The following RFTN1 variants were observed in gnomAD, a reference collection of about 807,000 sequenced individuals.
RFTN1 encodes raftlin, lipid raft linker 1, also known as raftlin.
A neutral mutation model predicts 46.5 loss-of-function variants in RFTN1; 26 were observed. The observed-to-expected ratio is 0.56, with a 90% CI of 0.41 to 0.78. The LOEUF is 0.78. Ranked by LOEUF, RFTN1 falls within the 30% of genes least tolerant of loss-of-function variation. The probability of loss-of-function intolerance (pLI) is 0.00; values close to 1 mark genes in which losing one functional copy is unlikely to be tolerated. For synonymous variants in RFTN1, 261 were observed against 284.2 expected (o/e 0.92, Z 0.82); for missense variants, 693 against 718.7 (o/e 0.96, Z 0.41).
In RFTN1 at chr3:16,479,511, C is replaced by T. The variant is rs1306793047; in HGVS notation, c.145+14214G>A. Among the ~76,000 whole-genome samples, 1 of 152,240 alleles carries T rather than the reference C, an allele frequency of 6.6e-6. No individual in the cohort carries two copies. The highest frequency in any genetic ancestry group is 1.5e-5 in the Non-Finnish European group (1 of 68,042). On this transcript the variant is annotated intron_variant, in intron 2 of 9. Coordinates refer to ENST00000334133, the MANE Select transcript of RFTN1 (RefSeq NM_015150.2). This position sits in a 1 kb window ranked among gnomAD's most constrained non-coding sequence, Gnocchi z 5.1. Reference sequence around the variant, plus strand: ...TCAACATCCTTCTCCCCATTCCTTGCACACCTTTACAGCATTATTCCAGCC... The same window carrying T: ...TCAACATCCTTCTCCCCATTCCTTGTACACCTTTACAGCATTATTCCAGCC...
At chr3:16,497,217 C>T (rs1302261582) in intron 1 of RFTN1, among the ~76,000 whole-genome samples, 5 of 152,114 alleles carry the variant, frequency 3.3e-5, no homozygotes, top group Admixed American at 2.0e-4. Flanking sequence ...TACACTAAAA[C>T]GTTCAAAAAT....
In RFTN1 at chr3:16,352,558, AATG is replaced by A. The variant is rs2072172747; in HGVS notation, c.1146+5371_1146+5373del. 1.3e-5 allele frequency among the ~76,000 whole-genome samples: 2 copies of A among 152,164 alleles called. No individual in the cohort carries two copies. The highest frequency in any genetic ancestry group is 4.8e-5 in the African/African-American group (2 of 41,424). The stretch of plus-strand genomic sequence containing the variant: ...AGGCTGTAGGTTTCCAACCGAGCAA[AATG>A]CAATTATTTGTATTTGACTCTACAG... On this transcript the variant is annotated intron_variant, in intron 7 of 9. Coordinates refer to ENST00000334133, the MANE Select transcript of RFTN1 (RefSeq NM_015150.2). This position sits in a 1 kb window ranked among gnomAD's most constrained non-coding sequence, Gnocchi z 4.6.
At chr3:16,456,613 A>AC (rs552095811) in intron 2 of RFTN1, among the ~76,000 whole-genome samples, 2 of 151,968 alleles carry the variant, frequency 1.3e-5, no homozygotes, top group African/African-American at 4.8e-5. Flanking sequence ...ATTCTTGAGG[A>AC]CCCCCCTAAG....
intron 6 of RFTN1, among the ~76,000 whole-genome samples, chr3:16,362,634 A>G (rs1166762604): frequency 1.3e-5 from 2 of 152,186 alleles, no homozygotes; most frequent in Non-Finnish European, 2.9e-5. Flanking sequence ...AACACAGCAC[A>G]CATTTCCTCA....
Position 16,480,448 on chromosome 3 carries a change from T to C in RFTN1, c.145+13277A>G, listed in dbSNP as rs953697528. Among the ~76,000 whole-genome samples, 3 of 152,214 alleles carry C rather than the reference T, an allele frequency of 2.0e-5. No individual in the cohort carries two copies. The highest frequency in any genetic ancestry group is 7.2e-5 in the African/African-American group (3 of 41,450). ...AATAGAAAAACATCTCAGTGGCTGC[T>C]AAGTGTAGCAGGTACTCCTTGCCCA... On this transcript the variant is annotated intron_variant, in intron 2 of 9. Transcript: ENST00000334133. This position sits in a 1 kb window ranked among gnomAD's most constrained non-coding sequence, Gnocchi z 4.3.
In RFTN1 at chr3:16,446,509, G is replaced by A. The variant is rs991681347; in HGVS notation, c.146-12472C>T. Among the ~76,000 whole-genome samples, 6 of 152,100 alleles carry A rather than the reference G, an allele frequency of 3.9e-5. No individual in the cohort carries two copies. Among genetic ancestry groups the A allele is most frequent in the Non-Finnish European group, 7.3e-5 (5 of 68,034 alleles). On this transcript the variant is annotated intron_variant, in intron 2 of 9. Transcript: ENST00000334133. The surrounding 1 kb of genome is among the most constrained non-coding windows in gnomAD (Gnocchi z 4.5). The stretch of plus-strand genomic sequence containing the variant: ...TATCCTTCTCTGTCTCTGCTAGTGT[G>A]AGCAGGAGTTACAAAAGCAACAGGA...
At chr3:16,431,900 C>T (rs1376392613) in intron 3 of RFTN1, among the ~76,000 whole-genome samples, 1 of 152,160 alleles carries the variant, frequency 6.6e-6, no homozygotes, top group Non-Finnish European at 1.5e-5. Flanking sequence ...TGCTTCATGC[C>T]AGGATTAAGA....
chr3:16,385,735 G>A lies in RFTN1; in HGVS notation c.442-7633C>T, dbSNP rs907675281. Among the ~76,000 whole-genome samples the A allele has an allele frequency of 9.2e-5, 14 of 152,144 alleles. No individual in the cohort carries two copies. The highest frequency in any genetic ancestry group is 2.2e-4 in the African/African-American group (9 of 41,448). On this transcript the variant is annotated intron_variant, in intron 4 of 9. Transcript: ENST00000334133. This position sits in a 1 kb window ranked among gnomAD's most constrained non-coding sequence, Gnocchi z 5.0. ...GAGGGCACAGTCAAAGAGTCAACACGCTGGAGTAGTCAGGAGTCACCTCTG... is the reference window on the plus strand; with the variant it reads ...GAGGGCACAGTCAAAGAGTCAACACACTGGAGTAGTCAGGAGTCACCTCTG...
chr3:16,493,960 A>C (rs185482668), intron 1 of RFTN1, 83 bp from the exon 2 acceptor site: 1 of 1,490,620 alleles, frequency 6.7e-7, no homozygotes, highest in African/African-American at 1.4e-5. Context: ...AGATGCCGTA[A>C]TTTTCCTGAA....
chr3:16,324,613 A>ACTCC (rs1553718054), intron 8 of RFTN1, among the ~76,000 whole-genome samples: 1 of 90,800 alleles, frequency 1.1e-5, no homozygotes, highest in African/African-American at 4.5e-5. Context: ...AATGTCCCTG[A>ACTCC]CCCCCCCCCT....
intron 2 of RFTN1, among the ~76,000 whole-genome samples, chr3:16,437,651 C>CTAAATAAATAAA (rs561853711): frequency 6.6e-6 from 1 of 151,690 alleles, no homozygotes; most frequent in African/African-American, 2.4e-5. Flanking sequence ...GACAGAGTTA[C>CTAAATAAATAAA]TAAATAAATA....
At chr3:16,323,339 C>T (rs59223456) in intron 9 of RFTN1, 37 bp downstream of exon 9, 203,468 of 1,470,128 alleles carry the variant, frequency 0.14, 18,823 homozygotes, top group African/African-American at 0.45. Flanking sequence ...TGAAGCCCTG[C>T]TGAGGAAAAC....
chr3:16,319,538 C>G (rs549618478), intron 9 of RFTN1, among the ~76,000 whole-genome samples: 2 of 152,294 alleles, frequency 1.3e-5, no homozygotes, highest in Middle Eastern at 3.4e-3. Flanking sequence ...GTGCAGTGTA[C>G]AACTGAGGAC....
In RFTN1 at chr3:16,490,263, G is replaced by A. The variant is rs116064275; in HGVS notation, c.145+3462C>T. ...AGGACAGTATTGACAAACTACAGGC[G>A]TGCACAAGAGACTAATTCTGATAGA... On this transcript the variant is annotated intron_variant, in intron 2 of 9. Transcript: ENST00000334133. Among the ~76,000 whole-genome samples the A allele has an allele frequency of 5.0e-3, 760 of 152,256 alleles. 5 individuals are homozygous for A. The highest frequency in any genetic ancestry group is 0.016 in the African/African-American group (659 of 41,536).
chr3:16,348,542 G>T lies in RFTN1; in HGVS notation c.1146+9390C>A, dbSNP rs973157238. 6.6e-6 allele frequency among the ~76,000 whole-genome samples: 1 copy of T among 152,014 alleles called. No homozygotes were observed. Among genetic ancestry groups the T allele is most frequent in the Non-Finnish European group, 1.5e-5 (1 of 67,994 alleles). ...CTTGTTCAGTCTCTGCTCTCTCCCA[G>T]GGCACTTCTGGTCAGCAGGGCACAA... On this transcript the variant is annotated intron_variant, in intron 7 of 9. Transcript: ENST00000334133. The surrounding 1 kb of genome is among the most constrained non-coding windows in gnomAD (Gnocchi z 6.3).
rs975120195 is a variant in RFTN1 at position 16,418,676 on chromosome 3, TA to T, written c.333-9194del. ...CTCAAATAGAATAATCAGAACAGCT[TA>T]TTTTTTTTTTTTTAAAGAAGTATTA... On this transcript the variant is annotated intron_variant, in intron 3 of 9. Coordinates refer to ENST00000334133, the MANE Select transcript of RFTN1 (RefSeq NM_015150.2). The surrounding 1 kb of genome is among the most constrained non-coding windows in gnomAD (Gnocchi z 5.0). 3.1e-5 allele frequency among the ~76,000 whole-genome samples: 4 copies of T among 129,924 alleles called. No individual in the cohort carries two copies. The highest frequency in any genetic ancestry group is 8.5e-5 in the African/African-American group (3 of 35,136). 85.2% of individuals were successfully genotyped at this position (129,924 alleles called of 152,430 possible). A position where few individuals can be genotyped will look rare whatever the true frequency, so the allele number is the denominator to read the frequency against.
chr3:16,424,667 A>G lies in RFTN1; in HGVS notation c.332+9184T>C, dbSNP rs903073067. Among the ~76,000 whole-genome samples the G allele has an allele frequency of 2.0e-5, 3 of 152,216 alleles. No individual in the cohort carries two copies. The highest frequency in any genetic ancestry group is 4.4e-5 in the Non-Finnish European group (3 of 68,036). ...TTTATAGCATATTTATCATATTTTC[A>G]TATACTTATAGCATCTTTATAGCAT... On this transcript the variant is annotated intron_variant, in intron 3 of 9. Transcript: ENST00000334133. The surrounding 1 kb of genome is among the most constrained non-coding windows in gnomAD (Gnocchi z 4.7).
rs1327493951 is a variant in RFTN1, at chr3:16,341,563, ACT to A, written c.1147-14689_1147-14688del. On this transcript the variant is annotated intron_variant, in intron 7 of 9. Coordinates refer to ENST00000334133, the MANE Select transcript of RFTN1 (RefSeq NM_015150.2). The surrounding 1 kb of genome is among the most constrained non-coding windows in gnomAD (Gnocchi z 4.7). ...GGAAAAGGCTACATACTGTATGGGA[ACT>A]CTGTAGATTCAGTTCAGTTTTGCTA... is the stretch of plus-strand genomic sequence containing the variant. Among the ~76,000 whole-genome samples, 1 of 152,186 alleles carries A rather than the reference ACT, an allele frequency of 6.6e-6. No homozygotes were observed. The highest frequency in any genetic ancestry group is 1.5e-5 in the Non-Finnish European group (1 of 68,028).
chr3:16,324,713 T>TTATA (rs10677895), intron 8 of RFTN1, among the ~76,000 whole-genome samples: 1 of 144,608 alleles, frequency 6.9e-6, no homozygotes. Context: ...CACATTTTCT[T>TTATA]CATCCATCTG....
Sources: gnomAD v4.1 joint callset for allele counts (sites outside exome capture counted in the v4.1 genomes callset) on GRCh38, gnomAD v4.1.1 for gene constraint, Gnocchi (gnomAD v3.1) non-coding constraint, MANE v1.5 for transcripts, NCBI Gene and HGNC (gene_info 2026-07-23, HGNC 2026-07-21) for gene names.